Variants in ZNF433 observed in about 807,000 individuals in gnomAD.
ZNF433 encodes the protein zinc finger protein 433.
ZNF433 carries 12 observed loss-of-function variants against 10.6 expected under a neutral mutation model. The ratio of observed to expected loss-of-function variants is 1.13; its 90% CI spans 0.72 to 1.83. ZNF433 has a LOEUF of 1.83. Among genes scored for constraint, ZNF433 ranks in the 40% most tolerant of loss-of-function variants. ZNF433 has a pLI of 0.00. For synonymous variants in ZNF433, 272 were observed against 271.3 expected (o/e 1.00, Z -0.02); for missense variants, 737 against 798.0 (o/e 0.92, Z 0.92).
intron 1 of ZNF433, among the ~76,000 whole-genome samples, chr19:12,020,282 T>TAA (rs907202745): frequency 6.9e-6 from 1 of 145,384 alleles, no homozygotes; most frequent in African/African-American, 2.5e-5. Context: ...AAAAAAATTT[T>TAA]AAAAAAAAAA....
At chr19:12,018,429 T>G in intron 1 of ZNF433, 137 bp from the exon 2 acceptor site, 3 of 985,360 alleles carry the variant, frequency 3.0e-6, no homozygotes, top group African/African-American at 1.7e-5. Flanking sequence ...TCATACTCTC[T>G]GTCTACACTC....
At chr19:12,035,275 G>A (rs911169561) in intron 1 of ZNF433, among the ~76,000 whole-genome samples, 1 of 152,198 alleles carries the variant, frequency 6.6e-6, no homozygotes, top group Non-Finnish European at 1.5e-5. Context: ...GAGACGCGGG[G>A]CAGCGGGCGC....
chr19:12,026,834 A>C (rs279173), intron 1 of ZNF433: 1 of 453,890 alleles, frequency 2.2e-6, no homozygotes, highest in Non-Finnish European at 4.4e-6. Context: ...TGGCCACACT[A>C]TGTTCAGCTG....
intron 1 of ZNF433, among the ~76,000 whole-genome samples, chr19:12,031,075 A>T (rs1974993142): frequency 1.3e-5 from 2 of 151,826 alleles, no homozygotes. Flanking sequence ...AGGTGGGCAG[A>T]TCACGAGGTC....
chr19:12,024,190 A>G (rs915868292), intron 1 of ZNF433: 2 of 152,208 alleles, frequency 1.3e-5, no homozygotes, highest in Non-Finnish European at 2.9e-5. Flanking sequence ...AGGTAAACGG[A>G]GAATGTTAAC....
chr19:12,024,707 A>T lies in ZNF433; in HGVS notation c.4-6415T>A, dbSNP rs533782112. ...GACTCTAGATTTGCTAATTTTTTCA[A>T]CTCAGCATTCACCTACTGGTGTTAT... On this transcript the variant is annotated intron_variant, in intron 1 of 3. Transcript: ENST00000550507. 6 of 152,352 alleles carry T rather than the reference A, an allele frequency of 3.9e-5. No homozygotes were observed. In the South Asian group the frequency reaches 1.2e-3, roughly 32 times the overall value. The allele number at this position is 152,352 out of a possible 1,614,324, so 9.4% of individuals were successfully genotyped here. A position where few individuals can be genotyped will look rare whatever the true frequency, so the allele number is the denominator to read the frequency against.
chr19:12,016,245 T>G lies in ZNF433; in HGVS notation c.613A>C (p.Met205Leu), dbSNP rs775055005. 5 of 1,614,180 alleles carry G rather than the reference T, an allele frequency of 3.1e-6. No homozygotes were observed. Among genetic ancestry groups the G allele is most frequent in the Non-Finnish European group, 4.2e-6 (5 of 1,180,018 alleles). ...TGGATAAGATACAAACTGAGAAACA[T>G]CAAGGCTTTCCCACAAAATTTACAC... Reference protein sequence around the residue: ...YKCKFCGKALMFLSLYLIHKR... With the variant: ...YKCKFCGKALLFLSLYLIHKR... The change falls in exon 4 of 4, where the codon ATG becomes CTG. Residue 205 changes from methionine (M) to leucine (L), a missense_variant. Transcript: ENST00000550507.
At position 12,034,543 on chromosome 19, in the gene ZNF433, C is replaced by T. The variant is rs192506341; in HGVS notation, c.3+994G>A. ...AACTGGAAACACAGACTCTCTGTGACAATAAGAAACCAAATTACAAACAAG... is the reference window on the plus strand; with the variant it reads ...AACTGGAAACACAGACTCTCTGTGATAATAAGAAACCAAATTACAAACAAG... On this transcript the variant is annotated intron_variant, in intron 1 of 3. Transcript: ENST00000550507. The T allele has an allele frequency of 1.3e-3, 355 of 274,322 alleles. 4 individuals are homozygous for T. The highest frequency in any genetic ancestry group is 7.9e-3 in the South Asian group (206 of 26,228). 17.0% of individuals were successfully genotyped at this position (274,322 alleles called of 1,614,324 possible).
In ZNF433 at chr19:12,035,596, A is replaced by G. The variant is rs959029234; in HGVS notation, c.-57T>C. The stretch of plus-strand genomic sequence containing the variant: ...TGCGGGTCACAGCACAGGCGACAGA[A>G]GCTATGGCAGAGGCACCTGAACCCT... On this transcript the variant is annotated 5_prime_UTR_variant, in exon 1 of 4. Transcript: ENST00000550507. 6.4e-7 allele frequency: 1 copy of G among 1,553,586 alleles called. No homozygotes were observed. The highest frequency in any genetic ancestry group is 2.0e-5 in the Admixed American group (1 of 51,224).
At chr19:12,022,199 A>T (rs760666940) in intron 1 of ZNF433, 7 of 363,538 alleles carry the variant, frequency 1.9e-5, no homozygotes, top group Non-Finnish European at 3.4e-5. Context: ...CCTAAACCAC[A>T]AACAATAGCG....
chr19:12,021,943 G>T (rs1568335041), intron 1 of ZNF433: 1 of 456,974 alleles, frequency 2.2e-6, no homozygotes, highest in Non-Finnish European at 4.4e-6. Context: ...CTGCAGTGAT[G>T]ATGCAGGATG....
Position 12,016,207 on chromosome 19 carries a change from G to T in ZNF433, c.651C>A (p.His217Gln). The change falls in exon 4 of 4, where the codon CAC becomes CAA. Residue 217 changes from histidine (H) to glutamine (Q), a missense_variant. Physicochemically the swap from His to Gln is conservative, Grantham distance 24. Transcript: ENST00000550507. The part of the protein sequence containing the change: ...LSLYLIHKRT[H>Q]TGEKPYQCKQ... The stretch of plus-strand genomic sequence containing the variant: ...TACATTGATATGGTTTCTCTCCAGT[G>T]TGAGTTCGTTTGTGGATAAGATACA... 1 of 1,614,230 alleles carries T rather than the reference G, an allele frequency of 6.2e-7. No individual in the cohort carries two copies. Among genetic ancestry groups the T allele is most frequent in the Admixed American group, 1.7e-5 (1 of 60,026 alleles).
rs1368017909 is a variant in ZNF433, at chr19:12,016,359, A to G, written c.499T>C (p.Tyr167His). 2 of 1,614,024 alleles carry G rather than the reference A, an allele frequency of 1.2e-6. No individual in the cohort carries two copies. Among genetic ancestry groups the G allele is most frequent in the South Asian group, 2.2e-5 (2 of 91,078 alleles). ...GTTTTTCCGCATTCCTCACAAACAT[A>G]GAGTTTCCTTCCACTATGAGCCCTT... ...HERAHSGRKLYVCEECGKTFI... is the reference protein window; with the variant it reads ...HERAHSGRKLHVCEECGKTFI... The change falls in exon 4 of 4, where the codon TAT (tyrosine) becomes CAT (histidine). Residue 167 changes from tyrosine to histidine, a missense_variant. Physicochemically the swap from Tyr to His is moderately conservative, Grantham distance 83 (BLOSUM62 2). Transcript: ENST00000550507.
chr19:12,031,080 G>C (rs1481928471), intron 1 of ZNF433, among the ~76,000 whole-genome samples: 2 of 151,826 alleles, frequency 1.3e-5, no homozygotes, highest in Non-Finnish European at 2.9e-5. Flanking sequence ...GGCAGATCAC[G>C]AGGTCAAGAG....
intron 1 of ZNF433, chr19:12,022,026 A>G: frequency 4.4e-6 from 2 of 455,632 alleles, no homozygotes; most frequent in South Asian, 3.1e-5. Flanking sequence ...AGGCCCCCAA[A>G]TCTGGCCATA....
At chr19:12,035,142 T>C (rs1975223278) in intron 1 of ZNF433, among the ~76,000 whole-genome samples, 1 of 152,168 alleles carries the variant, frequency 6.6e-6, no homozygotes, top group African/African-American at 2.4e-5. Flanking sequence ...CGTGTCTCAG[T>C]TTAATTTTTA....
intron 1 of ZNF433, among the ~76,000 whole-genome samples, chr19:12,035,207 C>G (rs937303701): frequency 6.6e-6 from 1 of 152,192 alleles, no homozygotes; most frequent in Non-Finnish European, 1.5e-5. Flanking sequence ...CTACACAAAC[C>G]CCCACACCCG....
intron 1 of ZNF433, chr19:12,034,824 T>A (rs1340535659): frequency 2.2e-6 from 1 of 445,566 alleles, no homozygotes; most frequent in Non-Finnish European, 4.4e-6. Context: ...CCAAAGGAAC[T>A]TACACCTTTC....
At chr19:12,021,140 C>T (rs377193390) in intron 1 of ZNF433, among the ~76,000 whole-genome samples, 10 of 151,912 alleles carry the variant, frequency 6.6e-5, no homozygotes, top group African/African-American at 1.7e-4. Flanking sequence ...CCACTATACC[C>T]GGCTAATTTT....
Sources: gnomAD v4.1 joint callset for allele counts (sites outside exome capture counted in the v4.1 genomes callset) on GRCh38, gnomAD v4.1.1 for gene constraint, MANE v1.5 for transcripts, NCBI Gene and HGNC (gene_info 2026-07-23, HGNC 2026-07-21) for gene names.